Variants in B4GALNT4 observed in about 807,000 individuals in gnomAD.
B4GALNT4 encodes the protein beta-1,4-N-acetyl-galactosaminyltransferase 4, also known as N-acetyl-beta-glucosaminyl-glycoprotein 4-beta-N-acetylgalactosaminyltransferase 1.
In B4GALNT4, 77 loss-of-function variants were observed where a neutral mutation model predicts 110.0. That is an observed-to-expected ratio of 0.70 (90% CI 0.58 to 0.85). The LOEUF is 0.85. Ranked by LOEUF, B4GALNT4 falls within the 40% of genes least tolerant of loss-of-function variation. The pLI, the probability that B4GALNT4 is intolerant of heterozygous loss-of-function variation, is 0.00. For synonymous variants in B4GALNT4, 785 were observed against 655.5 expected (o/e 1.20, Z -3.02); for missense variants, 1,575 against 1,506.0 (o/e 1.05, Z -0.76).
At chr11:370,829 A>C (rs1590333173) in intron 1 of B4GALNT4, among the ~76,000 whole-genome samples, 1 of 151,564 alleles carries the variant, frequency 6.6e-6, no homozygotes, top group Non-Finnish European at 1.5e-5. Context: ...CTGGCTGGGG[A>C]CTCCTGGGCC....
At position 375,673 on chromosome 11, in the gene B4GALNT4, C is replaced by A. The variant is rs1293010642; in HGVS notation, c.885C>A (p.His295Gln). 6.3e-7 allele frequency: 1 copy of A among 1,592,354 alleles called. No homozygotes were observed. Among genetic ancestry groups the A allele is most frequent in the Non-Finnish European group, 8.5e-7 (1 of 1,174,096 alleles). Residue 295 changes from histidine (H) to glutamine (Q), a missense_variant, in exon 10 of 20, where the codon CAC (histidine) becomes CAA (glutamine). Physicochemically the swap from His to Gln is conservative, Grantham distance 24. Coordinates refer to ENST00000329962, the MANE Select transcript of B4GALNT4 (RefSeq NM_178537.5). ...ESALKMDHVA[H>Q]VPQSPASHVG... Reference sequence around the variant, plus strand: ...CCTTGAAGATGGACCACGTGGCGCACGTCCCCCAGTCTCCAGCCAGCCACG... The same window carrying A: ...CCTTGAAGATGGACCACGTGGCGCAAGTCCCCCAGTCTCCAGCCAGCCACG...
Position 375,676 on chromosome 11 carries a change from C to T in B4GALNT4, c.888C>T (p.Val296=). The T allele has an allele frequency of 6.3e-7, 1 of 1,593,300 alleles. No homozygotes were observed. Residue 296 remains valine (V), a synonymous_variant, in exon 10 of 20, where the codon GTC becomes GTT. Coordinates refer to ENST00000329962, the MANE Select transcript of B4GALNT4 (RefSeq NM_178537.5). ...SALKMDHVAH[V]PQSPASHVGG... is the part of the protein sequence containing the mutation. ...TGAAGATGGACCACGTGGCGCACGT[C>T]CCCCAGTCTCCAGCCAGCCACGTGG...
rs143382856 is a variant in B4GALNT4, at chr11:376,434, C to T, written c.1311C>T (p.Asp437=). The change falls in exon 14 of 20, where the codon GAC becomes GAT. Residue 437 remains aspartate (D), a synonymous_variant. Transcript: ENST00000329962. The part of the protein sequence containing the change: ...LFLNPDDFLD[D]EDEGELLDSL... ...CGTTTCCCGCAGACTTCCTGGACGA[C>T]GAGGACGAGGGGGAGCTGCTCGACA... The T allele has an allele frequency of 1.6e-5, 25 of 1,597,384 alleles. No individual in the cohort carries two copies. In the African/African-American group the frequency reaches 1.7e-4, roughly 11 times the overall value.
chr11:380,322 C>T lies in B4GALNT4; in HGVS notation c.2746C>T (p.Leu916=), dbSNP rs74444859. The T allele has an allele frequency of 4.8e-4, 782 of 1,613,336 alleles. 6 individuals are homozygous for T. In the African/African-American group the frequency reaches 9.3e-3, roughly 19 times the overall value. ...CAGCAGCATCGTGTTCCTCTGCGAC[C>T]TGCACATCCACTTCCCACCCAACAT... The part of the protein sequence containing the change: ...DASSIVFLCD[L]HIHFPPNILD... The change falls in exon 18 of 20, where the codon CTG becomes TTG. Residue 916 remains leucine (L), a synonymous_variant. Transcript: ENST00000329962.
At position 377,095 on chromosome 11, in the gene B4GALNT4, G is replaced by A. The variant is rs1846772931; in HGVS notation, c.1972G>A (p.Glu658Lys). 1.4e-6 allele frequency: 2 copies of A among 1,455,758 alleles called. No homozygotes were observed. Among genetic ancestry groups the A allele is most frequent in the Non-Finnish European group, 1.8e-6 (2 of 1,104,740 alleles). 90.2% of individuals were successfully genotyped at this position (1,455,758 alleles called of 1,614,324 possible). The change falls in exon 14 of 20, where the codon GAG becomes AAG. Residue 658 changes from glutamate to lysine, a missense_variant. By Grantham distance (56) the Glu-to-Lys change is moderately conservative. Transcript: ENST00000329962. ...EGEDDGAPGD[E>K]AASEDSEEAA... ...GGAGGACGATGGGGCCCCGGGCGAC[G>A]AGGCCGCGTCGGAGGACAGCGAGGA...
rs1440916041 is a variant in B4GALNT4 at position 377,214 on chromosome 11, C to G, written c.2091C>G (p.Arg697=). ...SVGAVDFELL[R]SDWNDLRCNV... ...GCGCCGTGGACTTCGAGCTGCTGCGCTCGGACTGGAACGACCTGCGATGCA... is the reference window on the plus strand; with the variant it reads ...GCGCCGTGGACTTCGAGCTGCTGCGGTCGGACTGGAACGACCTGCGATGCA... Residue 697 remains arginine (R), a synonymous_variant, in exon 14 of 20, where the codon CGC becomes CGG. Transcript: ENST00000329962. The G allele has an allele frequency of 1.1e-5, 18 of 1,595,986 alleles. No homozygotes were observed. The Admixed American group carries it at 1.9e-4, about 17-fold the overall frequency.
chr11:378,962 G>A (rs1846815265), intron 14 of B4GALNT4, among the ~76,000 whole-genome samples: 1 of 152,162 alleles, frequency 6.6e-6, no homozygotes, highest in Admixed American at 6.5e-5. Flanking sequence ...GACAGTGGCT[G>A]TGCCTGAGGA....
intron 1 of B4GALNT4, 23 bp downstream of exon 1, chr11:369,977 G>A (rs904812071): frequency 1.0e-4 from 62 of 622,112 alleles, no homozygotes; most frequent in Middle Eastern, 8.5e-4. Flanking sequence ...GGGCGCGGGG[G>A]GCGCGGGGGG....
intron 15 of B4GALNT4, 33 bp from the exon 16 acceptor site, chr11:379,833 G>A (rs1271409301): frequency 6.4e-7 from 1 of 1,563,388 alleles, no homozygotes; most frequent in Non-Finnish European, 8.6e-7. Context: ...AGTCAGCGTC[G>A]GCTCAGCGCC....
At chr11:372,600 G>C (rs143485118) in intron 2 of B4GALNT4, 62 bp from the exon 3 acceptor site, 4 of 1,345,834 alleles carry the variant, frequency 3.0e-6, no homozygotes, top group Non-Finnish European at 4.2e-6. Context: ...GGTTTGTCTT[G>C]GTGTGTGTGA....
rs1377769068 is a variant in B4GALNT4 at position 380,520 on chromosome 11, G to GC, written c.2869+77dup. 2.6e-6 allele frequency: 4 copies of GC among 1,521,972 alleles called. No individual in the cohort carries two copies. In the East Asian group the frequency reaches 9.8e-5, roughly 37 times the overall value. The allele number at this position is 1,521,972 out of a possible 1,614,324, so 94.3% of individuals were successfully genotyped here. ...CCGCGGTAAAGTCCAGGAACCCGGGGCCTCTCTCAATTCCCAGGGGAGGCC... is the reference window on the plus strand; with the variant it reads ...CCGCGGTAAAGTCCAGGAACCCGGGGCCCTCTCTCAATTCCCAGGGGAGGCC... On this transcript the variant is annotated intron_variant, in intron 18 of 19. Coordinates refer to ENST00000329962, the MANE Select transcript of B4GALNT4 (RefSeq NM_178537.5).
rs377575836 is a variant in B4GALNT4 at position 380,904 on chromosome 11, G to A, written c.2949G>A (p.Glu983=). The change falls in exon 19 of 20, where the codon GAG becomes GAA. Residue 983 remains glutamate (E), a synonymous_variant. Transcript: ENST00000329962. ...ACCGGGTTGGAGGAATGAACACGGA[G>A]GAGTTCCGAGACCAGTGGGGGGGTG... is the stretch of plus-strand genomic sequence containing the variant. ...DFDRVGGMNT[E]EFRDQWGGED... is the part of the protein sequence containing the mutation. 4 of 1,613,748 alleles carry A rather than the reference G, an allele frequency of 2.5e-6. No individual in the cohort carries two copies. The highest frequency in any genetic ancestry group is 1.1e-5 in the South Asian group (1 of 91,064).
Position 376,416 on chromosome 11 carries a change from C to A in B4GALNT4, c.1298-5C>A, listed in dbSNP as rs368580122. 5.6e-6 allele frequency: 9 copies of A among 1,600,316 alleles called. No individual in the cohort carries two copies. The highest frequency in any genetic ancestry group is 1.3e-5 in the African/African-American group (1 of 74,920). On this transcript the variant is annotated splice_polypyrimidine_tract_variant and splice_region_variant and intron_variant, in intron 13 of 19. Transcript: ENST00000329962. The stretch of plus-strand genomic sequence containing the variant: ...CAGGGAGCTTCTAACCCGCGTTTCC[C>A]GCAGACTTCCTGGACGACGAGGACG...
At position 373,427 on chromosome 11, in the gene B4GALNT4, C is replaced by A. The variant is rs7395781; in HGVS notation, c.637-22C>A. Reference sequence around the variant, plus strand: ...GAGTGAACCCCCCCCCCCACCACCACCCCTGCTCTATCACCCCCCAGACTG... The same window carrying A: ...GAGTGAACCCCCCCCCCCACCACCAACCCTGCTCTATCACCCCCCAGACTG... On this transcript the variant is annotated intron_variant, in intron 6 of 19. Transcript: ENST00000329962. 6.2e-5 allele frequency: 84 copies of A among 1,349,572 alleles called. 3 individuals carry two copies. The highest frequency in any genetic ancestry group is 8.2e-5 in the African/African-American group (5 of 61,196). 83.6% of individuals were successfully genotyped at this position (1,349,572 alleles called of 1,614,324 possible). A position where few individuals can be genotyped will look rare whatever the true frequency, so the allele number is the denominator to read the frequency against.
rs946277251 is a variant in B4GALNT4, at chr11:376,974, C to G, written c.1851C>G (p.Asn617Lys). The change falls in exon 14 of 20, where the codon AAC becomes AAG. Residue 617 changes from asparagine (N) to lysine (K), a missense_variant. Asn to Lys is a moderately conservative substitution (Grantham distance 94). Transcript: ENST00000329962. Reference sequence around the variant, plus strand: ...CTGCGGCGCCCACAGTGGACTCAAACTTGTCCTCCGAAGCGCGGCCCGTGA... The same window carrying G: ...CTGCGGCGCCCACAGTGGACTCAAAGTTGTCCTCCGAAGCGCGGCCCGTGA... ...LGPAAPTVDS[N>K]LSSEARPVTS... is the part of the protein sequence containing the mutation. 24 of 1,459,146 alleles carry G rather than the reference C, an allele frequency of 1.6e-5. No homozygotes were observed. Among genetic ancestry groups the G allele is most frequent in the Non-Finnish European group, 2.1e-5 (23 of 1,111,180 alleles). 90.4% of individuals were successfully genotyped at this position (1,459,146 alleles called of 1,614,324 possible). A position where few individuals can be genotyped will look rare whatever the true frequency, so the allele number is the denominator to read the frequency against.
chr11:380,471 T>C (rs749781815), intron 18 of B4GALNT4, 26 bp downstream of exon 18: 2 of 1,563,918 alleles, frequency 1.3e-6, no homozygotes, highest in Non-Finnish European at 1.7e-6. Context: ...TCCCACCCTG[T>C]GATACCAGGG....
chr11:377,463 G>A (rs910550816), intron 14 of B4GALNT4, 136 bp downstream of exon 14: 15 of 953,538 alleles, frequency 1.6e-5, no homozygotes, highest in African/African-American at 5.2e-5. Flanking sequence ...CTGAGGCACC[G>A]CGCCCCACCC....
At chr11:378,963 T>C (rs1846815312) in intron 14 of B4GALNT4, among the ~76,000 whole-genome samples, 1 of 152,058 alleles carries the variant, frequency 6.6e-6, no homozygotes, top group South Asian at 2.1e-4. Context: ...ACAGTGGCTG[T>C]GCCTGAGGAG....
chr11:381,194 C>G, intron 19 of B4GALNT4: 4 of 962,834 alleles, frequency 4.2e-6, no homozygotes, highest in Non-Finnish European at 4.9e-6. Flanking sequence ...TGCCCCCGAT[C>G]CCATAGGCCC....
Sources: gnomAD v4.1 joint callset for allele counts (sites outside exome capture counted in the v4.1 genomes callset) on GRCh38, gnomAD v4.1.1 for gene constraint, MANE v1.5 for transcripts, NCBI Gene and HGNC (gene_info 2026-07-23, HGNC 2026-07-21) for gene names.